The following NEK1 variants were observed in gnomAD, a reference collection of about 807,000 sequenced individuals.
NEK1 encodes NIMA related kinase 1, also known as serine/threonine-protein kinase Nek1.
A neutral mutation model predicts 182.1 loss-of-function variants in NEK1; 137 were observed. The observed-to-expected ratio is 0.75, with a 90% CI of 0.65 to 0.87. The LOEUF is 0.87. Among genes scored for constraint, NEK1 ranks in the 40% least tolerant of loss-of-function variants. The pLI is 0.00. For synonymous variants in NEK1, 513 were observed against 492.2 expected (o/e 1.04, Z -0.56); for missense variants, 1,391 against 1,494.4 (o/e 0.93, Z 1.14).
At position 169,502,377 on chromosome 4, in the gene NEK1, A is replaced by T. The variant is rs182718840; in HGVS notation, c.2007+4660T>A. The stretch of plus-strand genomic sequence containing the variant: ...AGATGGAGAGATTCCTCCCTAACTC[A>T]TTCTACAAGACCAGTTTCATCATGA... On this transcript the variant is annotated intron_variant, in intron 23 of 35. Coordinates refer to ENST00000507142, the MANE Select transcript of NEK1 (RefSeq NM_001199397.3). Among the ~76,000 whole-genome samples, 9 of 152,236 alleles carry T rather than the reference A, an allele frequency of 5.9e-5. No homozygotes were observed. The East Asian group carries it at 1.7e-3, about 29-fold the overall frequency.
intron 18 of NEK1, among the ~76,000 whole-genome samples, chr4:169,552,746 G>A (rs958695824): frequency 7.9e-5 from 12 of 152,038 alleles, no homozygotes; most frequent in African/African-American, 2.7e-4. Context: ...AAAGTTGCAG[G>A]ATAGAAGGTT....
At chr4:169,521,822 T>C (rs1384576233) in intron 19 of NEK1, among the ~76,000 whole-genome samples, 2 of 152,212 alleles carry the variant, frequency 1.3e-5, no homozygotes, top group South Asian at 2.1e-4. Context: ...TACTTTCATA[T>C]GGAATGTGTC....
At chr4:169,419,974 T>C (rs1463551199) in intron 31 of NEK1, among the ~76,000 whole-genome samples, 1 of 152,062 alleles carries the variant, frequency 6.6e-6, no homozygotes, top group Non-Finnish European at 1.5e-5. Context: ...AGTGAGTGAG[T>C]GGTGAGTGAA....
chr4:169,523,774 G>T (rs1017210645), intron 19 of NEK1, among the ~76,000 whole-genome samples: 6 of 152,148 alleles, frequency 3.9e-5, no homozygotes, highest in Non-Finnish European at 7.3e-5. Context: ...TTGGTTTATT[G>T]TCTATCTCCC....
In NEK1 at chr4:169,524,461, CAAAAAAAAA is replaced by C. The variant is rs953408098; in HGVS notation, c.1665+13339_1665+13347del. Among the ~76,000 whole-genome samples, 16 of 50,624 alleles carry C rather than the reference CAAAAAAAAA, an allele frequency of 3.2e-4. 1 individual carries two copies. Among genetic ancestry groups the C allele is most frequent in the African/African-American group, 8.5e-4 (16 of 18,736 alleles). 33.2% of individuals were successfully genotyped at this position (50,624 alleles called of 152,430 possible). A position where few individuals can be genotyped will look rare whatever the true frequency, so the allele number is the denominator to read the frequency against. Reference sequence around the variant, plus strand: ...GGGCAATGAGAGCGAAATTCCATCTCAAAAAAAAAAAAAAAAAAAGAAAAATGTTGAATG... The same window carrying C: ...GGGCAATGAGAGCGAAATTCCATCTCAAAAAAAAAAGAAAAATGTTGAATG... On this transcript the variant is annotated intron_variant, in intron 19 of 35. Coordinates refer to ENST00000507142, the MANE Select transcript of NEK1 (RefSeq NM_001199397.3).
At chr4:169,561,652 A>T (rs1261915639) in intron 15 of NEK1, 35 bp downstream of exon 15, 8 of 1,573,262 alleles carry the variant, frequency 5.1e-6, no homozygotes, top group Non-Finnish European at 6.1e-6. Context: ...TGTATTCCTT[A>T]AGAAAAAAGT....
At chr4:169,460,398 G>A (rs1743745867) in intron 27 of NEK1, among the ~76,000 whole-genome samples, 1 of 151,672 alleles carries the variant, frequency 6.6e-6, no homozygotes, top group Non-Finnish European at 1.5e-5. Flanking sequence ...CAGATCTCGT[G>A]AGATCCATTC....
chr4:169,606,152 T>C (rs993049179), intron 2 of NEK1, among the ~76,000 whole-genome samples: 2 of 151,518 alleles, frequency 1.3e-5, no homozygotes, highest in Non-Finnish European at 2.9e-5. Context: ...GTAAGAGTGA[T>C]GGGGAAAGCC....
At chr4:169,611,638 T>C (rs1005920874) in intron 2 of NEK1, among the ~76,000 whole-genome samples, 2 of 152,214 alleles carry the variant, frequency 1.3e-5, no homozygotes, top group Non-Finnish European at 2.9e-5. Context: ...ATATGGAAAC[T>C]GTGTCAAATC....
chr4:169,521,469 C>T (rs1338006724), intron 19 of NEK1, among the ~76,000 whole-genome samples: 1 of 151,754 alleles, frequency 6.6e-6, no homozygotes, highest in Admixed American at 6.6e-5. Context: ...CCGTCTTCTG[C>T]GTCGCTCACG....
intron 28 of NEK1, 132 bp downstream of exon 28, chr4:169,437,951 T>G: frequency 1.4e-6 from 1 of 702,688 alleles, no homozygotes. Flanking sequence ...TAGCTAAAAA[T>G]ATAAAAATAC....
chr4:169,438,899 A>G (rs1738905138), intron 27 of NEK1, among the ~76,000 whole-genome samples: 1 of 152,172 alleles, frequency 6.6e-6, no homozygotes, highest in African/African-American at 2.4e-5. Context: ...TCCAATGGTC[A>G]TATCTTAGAG....
intron 18 of NEK1, 145 bp downstream of exon 18, chr4:169,555,575 C>T: frequency 3.9e-6 from 4 of 1,019,602 alleles, no homozygotes; most frequent in Non-Finnish European, 5.9e-6. Context: ...CAAATTTGCA[C>T]CTCAGAAAAT....
At chr4:169,499,706 A>G (rs1274176978) in intron 23 of NEK1, among the ~76,000 whole-genome samples, 2 of 152,226 alleles carry the variant, frequency 1.3e-5, no homozygotes, top group Non-Finnish European at 2.9e-5. Flanking sequence ...CGGAGGCTGC[A>G]GAACAGTGGA....
chr4:169,457,026 TAAAG>T (rs1743011815), intron 27 of NEK1, among the ~76,000 whole-genome samples: 2 of 151,982 alleles, frequency 1.3e-5, no homozygotes, highest in Admixed American at 6.6e-5. Flanking sequence ...CTCATGGTGA[TAAAG>T]AGAGCAGAAT....
At chr4:169,609,392 C>G (rs962480596) in intron 2 of NEK1, among the ~76,000 whole-genome samples, 1 of 152,162 alleles carries the variant, frequency 6.6e-6, no homozygotes, top group Non-Finnish European at 1.5e-5. Flanking sequence ...AACAAAGTAT[C>G]TACAAAGTTA....
At chr4:169,592,582 CCAAT>C (rs1246955168) in intron 5 of NEK1, among the ~76,000 whole-genome samples, 1 of 151,886 alleles carries the variant, frequency 6.6e-6, no homozygotes, top group Admixed American at 6.6e-5. Flanking sequence ...AGGATAGCTA[CCAAT>C]CAGTTAACAG....
chr4:169,401,694 T>A lies in NEK1; in HGVS notation c.3541A>T (p.Asn1181Tyr). The change falls in exon 33 of 36, where the codon AAT (asparagine) becomes TAT (tyrosine). Residue 1181 changes from asparagine (N) to tyrosine (Y), a missense_variant. Coordinates refer to ENST00000507142, the MANE Select transcript of NEK1 (RefSeq NM_001199397.3). ...NGTDVADEDDNPSSESALNEE... is the reference protein window; with the variant it reads ...NGTDVADEDDYPSSESALNEE... ...TTCAGGGCACTTTCACTGCTGGGATTGTCATCTTCATCTGCCACATCTGTC... is the reference window on the plus strand; with the variant it reads ...TTCAGGGCACTTTCACTGCTGGGATAGTCATCTTCATCTGCCACATCTGTC... 4 of 1,613,934 alleles carry A rather than the reference T, an allele frequency of 2.5e-6. No individual in the cohort carries two copies. Among genetic ancestry groups the A allele is most frequent in the Non-Finnish European group, 3.4e-6 (4 of 1,179,832 alleles).
chr4:169,583,263 T>C (rs1195824623), intron 10 of NEK1, among the ~76,000 whole-genome samples: 4 of 83,056 alleles, frequency 4.8e-5, no homozygotes, highest in Non-Finnish European at 8.2e-5. Flanking sequence ...TGAGACTCCA[T>C]CTCAAAAAAA....
Sources: gnomAD v4.1 joint callset for allele counts (sites outside exome capture counted in the v4.1 genomes callset) on GRCh38, gnomAD v4.1.1 for gene constraint, MANE v1.5 for transcripts, NCBI Gene and HGNC (gene_info 2026-07-23, HGNC 2026-07-21) for gene names.